LAMA1: variants seen among roughly 807,000 people sequenced by gnomAD.
The protein encoded by LAMA1 is laminin subunit alpha-1.
In LAMA1, 219 loss-of-function variants were observed where a neutral mutation model predicts 348.7. The ratio of observed to expected loss-of-function variants is 0.63; its 90% CI spans 0.56 to 0.70. LAMA1 has a LOEUF of 0.70. LAMA1 is among the 30% of genes least tolerant of loss of function. LAMA1 has a pLI of 0.00. For synonymous variants in LAMA1, 1,487 were observed against 1,491.0 expected (o/e 1.00, Z 0.06); for missense variants, 3,744 against 3,888.0 (o/e 0.96, Z 0.99).
At chr18:6,994,690 C>T (rs73938531) in intron 34 of LAMA1, among the ~76,000 whole-genome samples, 9,473 of 140,074 alleles carry the variant, frequency 0.068, 908 homozygotes, top group African/African-American at 0.21. Flanking sequence ...CACACACACA[C>T]ACACACACAT....
chr18:7,048,709 T>C (rs1249744999), intron 5 of LAMA1, among the ~76,000 whole-genome samples: 1 of 152,230 alleles, frequency 6.6e-6, no homozygotes, highest in African/African-American at 2.4e-5. Flanking sequence ...AAAATCTGTA[T>C]GCTTTCCTGA....
At chr18:7,036,524 G>A (rs2057995444) in intron 12 of LAMA1, among the ~76,000 whole-genome samples, 1 of 152,198 alleles carries the variant, frequency 6.6e-6, no homozygotes, top group Non-Finnish European at 1.5e-5. Context: ...GACTAAAGGT[G>A]TTTCTTCTGA....
At chr18:6,982,386 A>G (rs2057715683) in intron 41 of LAMA1, 111 bp downstream of exon 41, 4 of 900,454 alleles carry the variant, frequency 4.4e-6, no homozygotes, top group Non-Finnish European at 7.5e-6. Context: ...AATGGGACAC[A>G]GAAATGCTAA....
chr18:7,097,054 T>C (rs2058264251), intron 1 of LAMA1, among the ~76,000 whole-genome samples: 1 of 152,150 alleles, frequency 6.6e-6, no homozygotes, highest in Non-Finnish European at 1.5e-5. Context: ...CTAATGATCT[T>C]ATCAGCAAAA....
chr18:7,067,215 G>C (rs2058126148), intron 3 of LAMA1, among the ~76,000 whole-genome samples: 2 of 150,496 alleles, frequency 1.3e-5, no homozygotes, highest in African/African-American at 5.0e-5. Context: ...AAGAGCCCAG[G>C]ATTGCTTTGC....
At position 6,974,897 on chromosome 18, in the gene LAMA1, T is replaced by G; in HGVS notation, c.6623+6A>C. The G allele has an allele frequency of 6.2e-7, 1 of 1,614,124 alleles. No individual in the cohort carries two copies. Among genetic ancestry groups the G allele is most frequent in the Non-Finnish European group, 8.5e-7 (1 of 1,180,008 alleles). ...AGAGCTGCTTTGAGAGAACATTCTC[T>G]TCTACCTGGCTACATGGATACTGTG... On this transcript the variant is annotated splice_donor_region_variant and intron_variant, in intron 46 of 62. Transcript: ENST00000389658.
intron 25 of LAMA1, 149 bp from the exon 26 acceptor site, chr18:7,010,534 T>A: frequency 1.3e-6 from 1 of 744,952 alleles, no homozygotes; most frequent in Non-Finnish European, 2.3e-6. Flanking sequence ...TGCTTCCTTC[T>A]AATTCCATTT....
At chr18:7,101,863 C>T (rs1176045425) in intron 1 of LAMA1, among the ~76,000 whole-genome samples, 2 of 139,970 alleles carry the variant, frequency 1.4e-5, no homozygotes, top group Non-Finnish European at 3.0e-5. Context: ...TTTTGTAGAG[C>T]TGGGGGGGTC....
At chr18:6,984,147 C>T (rs1293262116) in intron 39 of LAMA1, among the ~76,000 whole-genome samples, 2 of 152,046 alleles carry the variant, frequency 1.3e-5, no homozygotes, top group African/African-American at 4.8e-5. Context: ...GTATCTAATG[C>T]CATTTTCCAC....
chr18:7,073,198 C>A (rs1442805611), intron 3 of LAMA1, among the ~76,000 whole-genome samples: 1 of 152,114 alleles, frequency 6.6e-6, no homozygotes, highest in Non-Finnish European at 1.5e-5. Flanking sequence ...TCCTGACTGA[C>A]CCTGGCTGAC....
rs1022617464 is a variant in LAMA1 at position 7,084,091 on chromosome 18, A to T, written c.62-3634T>A. 2.4e-3 allele frequency among the ~76,000 whole-genome samples: 362 copies of T among 151,242 alleles called. 2 individuals carry two copies. Among genetic ancestry groups the T allele is most frequent in the Non-Finnish European group, 4.2e-3 (287 of 67,728 alleles). On this transcript the variant is annotated intron_variant, in intron 1 of 62. Transcript: ENST00000389658. ...CTGTCTCAGAAAAAAAAAAAAAAAA[A>T]AAAAAAAAGCGGCGGTGGGGCTGTG...
intron 39 of LAMA1, among the ~76,000 whole-genome samples, chr18:6,984,497 A>C (rs940562300): frequency 5.9e-5 from 9 of 152,160 alleles, no homozygotes; most frequent in Non-Finnish European, 4.4e-5. Context: ...TTTTTAAAAA[A>C]TCACAAAATC....
intron 1 of LAMA1, among the ~76,000 whole-genome samples, chr18:7,116,148 A>G (rs140358014): frequency 3.3e-5 from 5 of 152,324 alleles, no homozygotes; most frequent in African/African-American, 1.2e-4. Flanking sequence ...ACTTTCTCCA[A>G]AAACCACTCA....
chr18:7,104,228 C>A (rs995392364), intron 1 of LAMA1, among the ~76,000 whole-genome samples: 7 of 152,142 alleles, frequency 4.6e-5, no homozygotes, highest in African/African-American at 1.7e-4. Flanking sequence ...CCACCCACCT[C>A]GGCCTCCCAA....
chr18:6,966,328 A>G, intron 48 of LAMA1, 31 bp from the exon 49 acceptor site: 3 of 1,605,914 alleles, frequency 1.9e-6, no homozygotes, highest in Non-Finnish European at 2.6e-6. Flanking sequence ...AATAGAATCC[A>G]TTCTCAGGAG....
At chr18:7,026,190 G>GAA in intron 16 of LAMA1, 84 bp from the exon 17 acceptor site, 9 of 1,354,464 alleles carry the variant, frequency 6.6e-6, no homozygotes, top group Non-Finnish European at 9.1e-6. Flanking sequence ...AGTCCAAGCG[G>GAA]AAAAAAAAAA....
intron 19 of LAMA1, among the ~76,000 whole-genome samples, chr18:7,021,734 T>G (rs1193404309): frequency 4.0e-5 from 6 of 149,084 alleles, no homozygotes; most frequent in Non-Finnish European, 8.9e-5. Flanking sequence ...ACTAAAAAAT[T>G]TTAAATTACA....
At chr18:6,994,482 C>T (rs4239329) in intron 34 of LAMA1, among the ~76,000 whole-genome samples, 83,304 of 151,700 alleles carry the variant, frequency 0.55, 24,479 homozygotes, top group East Asian at 0.91. Flanking sequence ...TTTAATCAGC[C>T]TATTTCCAAC....
At chr18:6,975,126 T>C in intron 45 of LAMA1, 90 bp from the exon 46 acceptor site, 1 of 1,408,626 alleles carries the variant, frequency 7.1e-7, no homozygotes, top group Non-Finnish European at 9.5e-7. Flanking sequence ...TCTTACGGGG[T>C]TTTCTCTTTT....
Sources: gnomAD v4.1 joint callset for allele counts (sites outside exome capture counted in the v4.1 genomes callset) on GRCh38, gnomAD v4.1.1 for gene constraint, MANE v1.5 for transcripts, NCBI Gene and HGNC (gene_info 2026-07-23, HGNC 2026-07-21) for gene names.